Variants in TSHZ2 observed in about 807,000 individuals in gnomAD.
TSHZ2 encodes teashirt zinc finger homeobox 2.
Under a neutral mutation model 74.4 loss-of-function variants are expected in TSHZ2, and 21 were observed. The ratio of observed to expected loss-of-function variants is 0.28; its 90% CI spans 0.20 to 0.41. The LOEUF is 0.41. Ranked by LOEUF, TSHZ2 falls within the 10% of genes least tolerant of loss-of-function variation. The pLI, the probability that TSHZ2 is intolerant of heterozygous loss-of-function variation, is 1.00. For synonymous variants in TSHZ2, 540 were observed against 515.3 expected (o/e 1.05, Z -0.65); for missense variants, 1,244 against 1,293.5 (o/e 0.96, Z 0.59).
intron 2 of TSHZ2, among the ~76,000 whole-genome samples, chr20:53,332,944 C>T (rs577380984): frequency 4.5e-4 from 68 of 152,294 alleles, no homozygotes; most frequent in African/African-American, 1.5e-3. Flanking sequence ...TCTGACAGGC[C>T]GAGATCCTTC....
chr20:53,180,419 A>G (rs1988441569), intron 1 of TSHZ2, among the ~76,000 whole-genome samples: 1 of 152,176 alleles, frequency 6.6e-6, no homozygotes, highest in Non-Finnish European at 1.5e-5. Flanking sequence ...CCCCCAAGAA[A>G]TGGCTTGGTC....
chr20:53,000,934 C>T (rs1225013450), intron 1 of TSHZ2, among the ~76,000 whole-genome samples: 2 of 152,098 alleles, frequency 1.3e-5, no homozygotes, highest in Admixed American at 6.6e-5. Context: ...TTTCCTTCTG[C>T]TGACTTAGAA....
At chr20:53,312,754 A>C (rs1230717111) in intron 2 of TSHZ2, among the ~76,000 whole-genome samples, 2 of 152,222 alleles carry the variant, frequency 1.3e-5, no homozygotes, top group Admixed American at 6.5e-5. Flanking sequence ...AAAAAGGAAA[A>C]TATGATGACC....
At chr20:53,133,643 T>G (rs1259071566) in intron 1 of TSHZ2, among the ~76,000 whole-genome samples, 1 of 152,204 alleles carries the variant, frequency 6.6e-6, no homozygotes, top group African/African-American at 2.4e-5. Flanking sequence ...TCTATGTATA[T>G]TCAGTGTTCC....
intron 2 of TSHZ2, chr20:53,455,329 G>A (rs1280759213): frequency 6.6e-6 from 1 of 152,140 alleles, no homozygotes. Context: ...CTTACCAGAG[G>A]CAGAGGTCCT....
chr20:53,174,107 G>A (rs1988267778), intron 1 of TSHZ2, among the ~76,000 whole-genome samples: 1 of 152,138 alleles, frequency 6.6e-6, no homozygotes, highest in Non-Finnish European at 1.5e-5. Flanking sequence ...TGACCAGCAT[G>A]GCTTTATCTG....
intron 1 of TSHZ2, among the ~76,000 whole-genome samples, chr20:53,148,922 A>C (rs904695296): frequency 2.0e-5 from 3 of 152,210 alleles, no homozygotes; most frequent in Non-Finnish European, 2.9e-5. Context: ...ACAGAGCAGG[A>C]ATCAACCTTT....
intron 2 of TSHZ2, among the ~76,000 whole-genome samples, chr20:53,286,095 A>T (rs186935357): frequency 9.7e-4 from 148 of 152,278 alleles, no homozygotes; most frequent in Non-Finnish European, 2.9e-4. Flanking sequence ...CTCAGTGGAA[A>T]ATGTTTTCTG....
At chr20:53,330,837 AT>A (rs1331877023) in intron 2 of TSHZ2, among the ~76,000 whole-genome samples, 5 of 152,326 alleles carry the variant, frequency 3.3e-5, no homozygotes, top group African/African-American at 1.2e-4. Flanking sequence ...TTTATCTGAC[AT>A]CTGTCTGGGT....
intron 1 of TSHZ2, among the ~76,000 whole-genome samples, chr20:53,233,598 G>A (rs1209653608): frequency 6.6e-6 from 1 of 152,184 alleles, no homozygotes; most frequent in Admixed American, 6.6e-5. Flanking sequence ...GACTTGGAGA[G>A]TAGAAGTAAC....
intron 2 of TSHZ2, among the ~76,000 whole-genome samples, chr20:53,445,217 ATAAG>A (rs764756672): frequency 3.3e-5 from 5 of 152,228 alleles, no homozygotes; most frequent in Non-Finnish European, 7.3e-5. Context: ...AAACACATAA[ATAAG>A]ATAAATTTAT....
At chr20:53,328,085 T>G (rs1340905514) in intron 2 of TSHZ2, among the ~76,000 whole-genome samples, 1 of 152,126 alleles carries the variant, frequency 6.6e-6, no homozygotes, top group African/African-American at 2.4e-5. Flanking sequence ...TGTGTGCTGG[T>G]TATACATTGA....
chr20:53,420,788 G>A (rs1983440922), intron 2 of TSHZ2, among the ~76,000 whole-genome samples: 1 of 152,044 alleles, frequency 6.6e-6, no homozygotes. Flanking sequence ...AAAGTGTGTG[G>A]GGTCCAATAA....
Position 53,019,050 on chromosome 20 carries a change from G to GA in TSHZ2, c.40+45725dup, listed in dbSNP as rs761031124. Reference sequence around the variant, plus strand: ...CTTTCTACAAATCTAAACATTGGGAGAAAAAAAATGAGGGAAAGGACCAAT... The same window carrying GA: ...CTTTCTACAAATCTAAACATTGGGAGAAAAAAAAATGAGGGAAAGGACCAAT... On this transcript the variant is annotated intron_variant, in intron 1 of 2. Transcript: ENST00000371497. Among the ~76,000 whole-genome samples the GA allele has an allele frequency of 2.2e-4, 33 of 151,862 alleles. No individual in the cohort carries two copies. The East Asian group carries it at 4.8e-3, about 22-fold the overall frequency.
At chr20:53,202,895 G>A (rs1308717118) in intron 1 of TSHZ2, among the ~76,000 whole-genome samples, 4 of 152,134 alleles carry the variant, frequency 2.6e-5, no homozygotes, top group Non-Finnish European at 5.9e-5. Flanking sequence ...TTCTGTTTCA[G>A]GAGAGGGATC....
intron 1 of TSHZ2, among the ~76,000 whole-genome samples, chr20:52,977,767 C>T (rs1227147983): frequency 1.3e-5 from 2 of 152,126 alleles, no homozygotes; most frequent in African/African-American, 4.8e-5. Flanking sequence ...GGACACAATA[C>T]GTTAACCCTA....
chr20:53,361,880 CTTT>C (rs1166067154), intron 2 of TSHZ2, among the ~76,000 whole-genome samples: 1 of 150,878 alleles, frequency 6.6e-6, no homozygotes, highest in African/African-American at 2.4e-5. Context: ...AGTTGGTTTT[CTTT>C]TGTTGTTGTT....
intron 2 of TSHZ2, among the ~76,000 whole-genome samples, chr20:53,464,466 G>C (rs1985495181): frequency 6.6e-6 from 1 of 151,954 alleles, no homozygotes. Context: ...AAGGAGCTTG[G>C]ATTTTTTTTT....
intron 1 of TSHZ2, among the ~76,000 whole-genome samples, chr20:53,175,483 G>A (rs937144471): frequency 6.6e-6 from 1 of 150,484 alleles, no homozygotes; most frequent in African/African-American, 2.4e-5. Flanking sequence ...TGGTGGTTTT[G>A]TCTGATGCTC....
Sources: gnomAD v4.1 joint callset for allele counts (sites outside exome capture counted in the v4.1 genomes callset) on GRCh38, gnomAD v4.1.1 for gene constraint, MANE v1.5 for transcripts, NCBI Gene and HGNC (gene_info 2026-07-23, HGNC 2026-07-21) for gene names.